The following AGBL4 variants were observed in gnomAD, a reference collection of about 807,000 sequenced individuals.
AGBL4 encodes the protein AGBL carboxypeptidase 4, also known as cytosolic carboxypeptidase 6.
In AGBL4, 58 loss-of-function variants were observed where a neutral mutation model predicts 66.4. The ratio of observed to expected loss-of-function variants is 0.87; its 90% confidence interval spans 0.71 to 1.09. The LOEUF (loss-of-function observed/expected upper bound fraction) is 1.09. AGBL4 is among the 50% of genes least tolerant of loss of function. AGBL4 has a pLI of 0.00. For synonymous variants in AGBL4, 234 were observed against 222.9 expected (o/e 1.05, Z -0.44); for missense variants, 579 against 631.0 (o/e 0.92, Z 0.88).
chr1:48,896,707 C>A (rs532731336), intron 5 of AGBL4, among the ~76,000 whole-genome samples: 2 of 151,966 alleles, frequency 1.3e-5, no homozygotes, highest in Non-Finnish European at 2.9e-5. Context: ...AGGCTGCCAG[C>A]ATGAAATGAT....
chr1:49,655,344 A>G (rs2124465777), intron 3 of AGBL4, among the ~76,000 whole-genome samples: 1 of 152,262 alleles, frequency 6.6e-6, no homozygotes, highest in African/African-American at 2.4e-5. Context: ...GGGTAACCCA[A>G]CCTTTCTCTC....
intron 3 of AGBL4, among the ~76,000 whole-genome samples, chr1:49,684,848 A>C (rs1646758150): frequency 6.6e-6 from 1 of 152,132 alleles, no homozygotes; most frequent in African/African-American, 2.4e-5. Flanking sequence ...ACCTACTTTT[A>C]TCTATTTCCT....
intron 1 of AGBL4, among the ~76,000 whole-genome samples, chr1:49,899,073 G>A (rs1372888731): frequency 6.6e-6 from 1 of 152,082 alleles, no homozygotes; most frequent in African/African-American, 2.4e-5. Flanking sequence ...GTACAACAGA[G>A]GGACTATAGT....
At chr1:49,840,834 T>C (rs1484615265) in intron 2 of AGBL4, among the ~76,000 whole-genome samples, 1 of 152,160 alleles carries the variant, frequency 6.6e-6, no homozygotes, top group East Asian at 1.9e-4. Context: ...GGCAGACTTG[T>C]TATCAAACAG....
chr1:49,545,447 T>A (rs1051892874), intron 3 of AGBL4, among the ~76,000 whole-genome samples: 1 of 152,156 alleles, frequency 6.6e-6, no homozygotes, highest in African/African-American at 2.4e-5. Flanking sequence ...CTATAAGAGA[T>A]CCTGAAGCAG....
At position 49,468,512 on chromosome 1, in the gene AGBL4, A is replaced by G. The variant is rs373888544; in HGVS notation, c.283-222648T>C. On this transcript the variant is annotated intron_variant, in intron 3 of 13. Coordinates refer to ENST00000371839, the MANE Select transcript of AGBL4 (RefSeq NM_032785.4). ...ATCTAAAATCTTGAAAATCACAATCACAGGATAATTTGCCTCATGTCAGTC... is the reference window on the plus strand; with the variant it reads ...ATCTAAAATCTTGAAAATCACAATCGCAGGATAATTTGCCTCATGTCAGTC... 1.4e-3 allele frequency among the ~76,000 whole-genome samples: 209 copies of G among 151,956 alleles called. 1 individual carries two copies. The highest frequency in any genetic ancestry group is 4.7e-3 in the African/African-American group (197 of 41,534).
intron 3 of AGBL4, among the ~76,000 whole-genome samples, chr1:49,601,377 G>A (rs1368019402): frequency 1.3e-5 from 2 of 150,808 alleles, no homozygotes; most frequent in East Asian, 3.9e-4. Context: ...ATTTCATTAA[G>A]TTGATCTTCA....
At chr1:49,309,800 A>G (rs1454419595) in intron 3 of AGBL4, among the ~76,000 whole-genome samples, 1 of 152,176 alleles carries the variant, frequency 6.6e-6, no homozygotes, top group African/African-American at 2.4e-5. Flanking sequence ...TAGTTTAAAC[A>G]AATGCATTAC....
chr1:48,715,839 G>A (rs1162718219), intron 6 of AGBL4, among the ~76,000 whole-genome samples: 1 of 152,124 alleles, frequency 6.6e-6, no homozygotes, highest in Non-Finnish European at 1.5e-5. Context: ...TGGTCTTTTG[G>A]TTATTAAATT....
intron 4 of AGBL4, among the ~76,000 whole-genome samples, chr1:49,157,035 T>C (rs981458161): frequency 6.6e-6 from 1 of 152,224 alleles, no homozygotes; most frequent in Non-Finnish European, 1.5e-5. Flanking sequence ...ACTATATTTA[T>C]GATTTTCATT....
intron 11 of AGBL4, among the ~76,000 whole-genome samples, chr1:48,543,525 C>T (rs1273415256): frequency 6.6e-6 from 1 of 152,072 alleles, no homozygotes; most frequent in Non-Finnish European, 1.5e-5. Context: ...CTTGGTAGGT[C>T]ATAGTGGAAA....
chr1:48,645,980 A>G (rs1570116367), intron 8 of AGBL4, among the ~76,000 whole-genome samples: 2 of 152,178 alleles, frequency 1.3e-5, no homozygotes, highest in Non-Finnish European at 1.5e-5. Context: ...GTGGGAACAC[A>G]TGATCTTCAA....
rs902099334 is a variant in AGBL4 at position 49,770,912 on chromosome 1, G to A, written c.158-73475C>T. Among the ~76,000 whole-genome samples the A allele has an allele frequency of 3.3e-5, 5 of 151,758 alleles. No individual in the cohort carries two copies. In the East Asian group the frequency reaches 5.8e-4, roughly 18 times the overall value. On this transcript the variant is annotated intron_variant, in intron 2 of 13. Transcript: ENST00000371839. ...TTGGGTCTTTCCTCTTTTTCTCTTA[G>A]TTAATCTAACATTTTGTTGATTCTG...
chr1:49,832,863 G>A (rs1324847836), intron 2 of AGBL4, among the ~76,000 whole-genome samples: 1 of 151,968 alleles, frequency 6.6e-6, no homozygotes, highest in Non-Finnish European at 1.5e-5. Context: ...TTATAAATTT[G>A]TTTGAGTTCA....
At chr1:49,335,994 T>C (rs1645430483) in intron 3 of AGBL4, among the ~76,000 whole-genome samples, 1 of 151,972 alleles carries the variant, frequency 6.6e-6, no homozygotes, top group Non-Finnish European at 1.5e-5. Flanking sequence ...AGAACCAATA[T>C]GAGATTTTAT....
At chr1:49,782,033 A>G (rs1644349606) in intron 2 of AGBL4, among the ~76,000 whole-genome samples, 1 of 151,982 alleles carries the variant, frequency 6.6e-6, no homozygotes, top group African/African-American at 2.4e-5. Context: ...CTCAAAATCA[A>G]TGACATAAGC....
intron 5 of AGBL4, among the ~76,000 whole-genome samples, chr1:48,875,652 C>T (rs774245022): frequency 4.6e-5 from 7 of 152,088 alleles, no homozygotes; most frequent in South Asian, 2.1e-4. Context: ...CAGCCTCTGG[C>T]GGCCGGCACA....
intron 3 of AGBL4, among the ~76,000 whole-genome samples, chr1:49,294,609 A>C (rs1235357325): frequency 6.6e-6 from 1 of 152,170 alleles, no homozygotes; most frequent in African/African-American, 2.4e-5. Context: ...TTTGAATCCT[A>C]TGTCACTAAG....
At chr1:49,002,250 T>C (rs1302666540) in intron 5 of AGBL4, among the ~76,000 whole-genome samples, 2 of 152,168 alleles carry the variant, frequency 1.3e-5, no homozygotes, top group Non-Finnish European at 2.9e-5. Flanking sequence ...CAGTATTTGA[T>C]CTAGATCTTG....
Sources: gnomAD v4.1 joint callset for allele counts (sites outside exome capture counted in the v4.1 genomes callset) on GRCh38, gnomAD v4.1.1 for gene constraint, MANE v1.5 for transcripts, NCBI Gene and HGNC (gene_info 2026-07-23, HGNC 2026-07-21) for gene names.